The following MAP7D2 variants were observed in gnomAD, a reference collection of about 807,000 sequenced individuals.
The protein encoded by MAP7D2 is MAP7 domain containing 2.
In MAP7D2, 33 loss-of-function variants were observed where a neutral mutation model predicts 63.5. That is an observed-to-expected ratio of 0.52 (90% CI 0.39 to 0.70). The LOEUF is 0.70. Ranked by LOEUF, MAP7D2 falls within the 30% of genes least tolerant of loss-of-function variation. The pLI is 0.00. For synonymous variants in MAP7D2, 224 were observed against 223.7 expected, an observed-to-expected ratio of 1.00 and a Z score of -0.01; for missense variants, 626 against 604.0, an observed-to-expected ratio of 1.04 and a Z score of -0.38.
chrX:20,076,522 A>G (rs954153200), intron 1 of MAP7D2, among the ~76,000 whole-genome samples: 1 of 110,629 alleles, frequency 9.0e-6, no homozygotes, highest in East Asian at 2.8e-4. Context: ...CCCGGCCAAC[A>G]TGACAAAACC....
At chrX:20,038,427 A>G (rs753028843) in intron 8 of MAP7D2, among the ~76,000 whole-genome samples, 1 of 112,027 alleles carries the variant, frequency 8.9e-6, no homozygotes, top group Non-Finnish European at 1.9e-5. Flanking sequence ...TTGATAGAAC[A>G]GTGGAATGGC....
At chrX:20,085,259 A>G (rs187270618) in intron 1 of MAP7D2, among the ~76,000 whole-genome samples, 1 of 112,366 alleles carries the variant, frequency 8.9e-6, no homozygotes, top group East Asian at 2.8e-4. Context: ...CACAGGAAAG[A>G]GGAGAAGAAG....
intron 6 of MAP7D2, among the ~76,000 whole-genome samples, chrX:20,044,843 C>T (rs878962832): frequency 1.8e-5 from 2 of 111,530 alleles, no homozygotes; most frequent in South Asian, 7.8e-4. Flanking sequence ...AAAGGGTTAA[C>T]ATAGCAGATC....
chrX:20,079,862 A>G (rs1232893399), intron 1 of MAP7D2, among the ~76,000 whole-genome samples: 1 of 111,227 alleles, frequency 9.0e-6, no homozygotes, highest in African/African-American at 3.3e-5. Flanking sequence ...AGAACCCCAT[A>G]AAACTACTCC....
intron 1 of MAP7D2, among the ~76,000 whole-genome samples, chrX:20,081,289 T>G (rs1397550774): frequency 1.8e-5 from 2 of 111,275 alleles, no homozygotes; most frequent in Non-Finnish European, 1.9e-5. Flanking sequence ...TCATCCTTCC[T>G]ATAGGGAGAT....
At chrX:20,096,999 A>C (rs1201354013) in intron 1 of MAP7D2, among the ~76,000 whole-genome samples, 1 of 111,582 alleles carries the variant, frequency 9.0e-6, no homozygotes, top group African/African-American at 3.3e-5. Context: ...GAAAATCTAA[A>C]CCACTGAAGC....
chrX:20,109,719 T>C (rs765594857), intron 1 of MAP7D2, among the ~76,000 whole-genome samples: 3 of 111,058 alleles, frequency 2.7e-5, no homozygotes, highest in Non-Finnish European at 5.7e-5. Context: ...AAGGGTTGCA[T>C]ATCCAAGGAT....
chrX:20,114,801 T>C (rs2066846356), intron 1 of MAP7D2, among the ~76,000 whole-genome samples: 1 of 112,405 alleles, frequency 8.9e-6, no homozygotes, highest in Admixed American at 9.4e-5. Context: ...TTAGGAACAA[T>C]GGTTGACTCT....
chrX:20,080,878 C>T (rs1214173842), intron 1 of MAP7D2, among the ~76,000 whole-genome samples: 1 of 112,193 alleles, frequency 8.9e-6, no homozygotes, highest in Non-Finnish European at 1.9e-5. Context: ...TATTCCTCAG[C>T]CTAACCCAGC....
At chrX:20,048,945 A>ATATATATACG (rs2064872159) in intron 6 of MAP7D2, among the ~76,000 whole-genome samples, 1 of 107,973 alleles carries the variant, frequency 9.3e-6, no homozygotes, top group Non-Finnish European at 1.9e-5. Flanking sequence ...ATATATATAC[A>ATATATATACG]TATATGTATA....
At chrX:20,028,993 T>C (rs1249252751) in intron 8 of MAP7D2, among the ~76,000 whole-genome samples, 1 of 111,773 alleles carries the variant, frequency 8.9e-6, no homozygotes, top group East Asian at 2.8e-4. Flanking sequence ...CTCCTCCCCG[T>C]GGAATGAGGT....
intron 14 of MAP7D2, 52 bp from the exon 15 acceptor site, chrX:20,012,587 G>A (rs2073241992): frequency 1.0e-6 from 1 of 1,003,285 alleles, no homozygotes; most frequent in Non-Finnish European, 1.3e-6. Flanking sequence ...TCTAAATAAA[G>A]TAACAGAGAA....
chrX:20,116,881 G>C lies in MAP7D2; in HGVS notation c.-2C>G, dbSNP rs143908335. On this transcript the variant is annotated 5_prime_UTR_variant, in exon 1 of 17. Coordinates refer to ENST00000379643, the MANE Select transcript of MAP7D2 (RefSeq NM_001168465.2). ...GGAGCCGCCGCCGCCGCGCTCCATC[G>C]GGATGCGCCGGCCGCACAGGCGCAC... The C allele has an allele frequency of 2.2e-5, 24 of 1,112,817 alleles. No individual in the cohort carries two copies. The highest frequency in any genetic ancestry group is 1.3e-4 in the South Asian group (6 of 44,982). The allele number at this position is 1,112,817 out of a possible 1,213,427, so 91.7% of individuals were successfully genotyped here. A position where few individuals can be genotyped will look rare whatever the true frequency, so the allele number is the denominator to read the frequency against.
chrX:20,101,141 G>T (rs1373970683), intron 1 of MAP7D2, among the ~76,000 whole-genome samples: 1 of 111,937 alleles, frequency 8.9e-6, no homozygotes, highest in Non-Finnish European at 1.9e-5. Context: ...TCTGACGTCT[G>T]GAATTGAGAT....
intron 16 of MAP7D2, among the ~76,000 whole-genome samples, chrX:20,009,663 CAAAAAA>C (rs35018861): frequency 4.3e-3 from 76 of 17,725 alleles, no homozygotes; most frequent in Non-Finnish European, 6.0e-3. Flanking sequence ...GATTCCATCT[CAAAAAA>C]AAAAAAAAAA....
intron 8 of MAP7D2, among the ~76,000 whole-genome samples, chrX:20,040,508 C>T (rs1300037203): frequency 5.4e-5 from 6 of 111,781 alleles, no homozygotes; most frequent in African/African-American, 1.9e-4. Flanking sequence ...TCACTGAGCT[C>T]AATCATTTCT....
chrX:20,025,070 G>T lies in MAP7D2; in HGVS notation c.1293C>A (p.Pro431=). The change falls in exon 10 of 17, where the codon CCC becomes CCA. Residue 431 remains proline, a synonymous_variant. Transcript: ENST00000379643. ...KAENSAALGK[P]TAGTTDAGEA... ...CTCCTGCATCAGTGGTGCCTGCTGT[G>T]GGCTTCCCCAAGGCTGCACCAGAGG... The T allele has an allele frequency of 8.3e-7, 1 of 1,207,731 alleles. No individual in the cohort carries two copies.
At chrX:20,049,207 T>C (rs1023229669) in intron 6 of MAP7D2, among the ~76,000 whole-genome samples, 8 of 110,382 alleles carry the variant, frequency 7.2e-5, no homozygotes, top group African/African-American at 2.6e-4. Flanking sequence ...TGTGGCCTTT[T>C]GCAACTGGTT....
intron 1 of MAP7D2, among the ~76,000 whole-genome samples, chrX:20,080,871 T>C (rs1257207424): frequency 8.9e-6 from 1 of 112,151 alleles, no homozygotes; most frequent in Non-Finnish European, 1.9e-5. Flanking sequence ...GCATCATTAT[T>C]CCTCAGCCTA....
Sources: gnomAD v4.1 joint callset for allele counts (sites outside exome capture counted in the v4.1 genomes callset) on GRCh38, gnomAD v4.1.1 for gene constraint, MANE v1.5 for transcripts, NCBI Gene and HGNC (gene_info 2026-07-23, HGNC 2026-07-21) for gene names.